Variants in SCN4A observed in about 807,000 individuals in gnomAD.
SCN4A encodes the protein sodium channel protein type 4 subunit alpha.
A neutral mutation model predicts 162.0 loss-of-function variants in SCN4A; 83 were observed. The ratio of observed to expected loss-of-function variants is 0.51; its 90% confidence interval spans 0.43 to 0.61. The LOEUF (loss-of-function observed/expected upper bound fraction) is 0.61. SCN4A is among the 20% of genes least tolerant of loss of function. The pLI, the probability that SCN4A is intolerant of heterozygous loss-of-function variation, is 0.00. For synonymous variants in SCN4A, 944 were observed against 985.1 expected (o/e 0.96, Z 0.78); for missense variants, 2,196 against 2,462.5 (o/e 0.89, Z 2.29).
intron 11 of SCN4A, 33 bp downstream of exon 11, chr17:63,961,160 C>A (rs1277353330): frequency 8.9e-7 from 1 of 1,122,422 alleles, no homozygotes. Flanking sequence ...CCCATCCTGC[C>A]CATGAATGAT....
intron 5 of SCN4A, 37 bp downstream of exon 5, chr17:63,971,125 T>G: frequency 7.2e-7 from 1 of 1,386,728 alleles, no homozygotes; most frequent in Non-Finnish European, 1.0e-6. Context: ...CGGGGGTCTC[T>G]CAGCTCAGGC....
Position 63,944,833 on chromosome 17 carries a change from C to T in SCN4A, c.3775-23G>A, listed in dbSNP as rs151052963. 5.3e-3 allele frequency: 8,610 copies of T among 1,611,708 alleles called. 65 individuals are homozygous for T. Among genetic ancestry groups the T allele is most frequent in the South Asian group, 0.022 (1,975 of 90,696 alleles). On this transcript the variant is annotated intron_variant, in intron 20 of 23. Coordinates refer to ENST00000435607, the MANE Select transcript of SCN4A (RefSeq NM_000334.4). The surrounding 1 kb of genome is among the most constrained non-coding windows in gnomAD (Gnocchi z 4.3). ...CTTCTGTGGGAGCCACAGGGTGGGA[C>T]GGCGTGGGTTTGCACGCTGGCTTCT... is the stretch of plus-strand genomic sequence containing the variant.
Position 63,944,856 on chromosome 17 carries a change from T to G in SCN4A, c.3775-46A>C, listed in dbSNP as rs1908661524. ...GACGGCGTGGGTTTGCACGCTGGCTTCTCCCTGCCCCCCACAGCCCTGAGG... is the reference window on the plus strand; with the variant it reads ...GACGGCGTGGGTTTGCACGCTGGCTGCTCCCTGCCCCCCACAGCCCTGAGG... On this transcript the variant is annotated intron_variant, in intron 20 of 23. Transcript: ENST00000435607. The surrounding 1 kb of genome is among the most constrained non-coding windows in gnomAD (Gnocchi z 4.3). The G allele has an allele frequency of 1.2e-6, 2 of 1,606,788 alleles. No individual in the cohort carries two copies. The highest frequency in any genetic ancestry group is 2.2e-5 in the South Asian group (2 of 90,108).
chr17:63,951,994 C>T lies in SCN4A; in HGVS notation c.2377-94G>A. 1 of 690,388 alleles carries T rather than the reference C, an allele frequency of 1.4e-6. No individual in the cohort carries two copies. Among genetic ancestry groups the T allele is most frequent in the East Asian group, 2.7e-5 (1 of 36,648 alleles). 42.8% of individuals were successfully genotyped at this position (690,388 alleles called of 1,614,324 possible). ...CACAGGGGTCCTCGGTCTACAGATCCAAACTACCACATGTTGGGCATTTAA... is the reference window on the plus strand; with the variant it reads ...CACAGGGGTCCTCGGTCTACAGATCTAAACTACCACATGTTGGGCATTTAA... On this transcript the variant is annotated intron_variant, in intron 13 of 23. Coordinates refer to ENST00000435607, the MANE Select transcript of SCN4A (RefSeq NM_000334.4). The surrounding 1 kb of genome is among the most constrained non-coding windows in gnomAD (Gnocchi z 4.5).
intron 23 of SCN4A, among the ~76,000 whole-genome samples, chr17:63,942,202 T>C (rs534428396): frequency 1.3e-4 from 20 of 151,818 alleles, no homozygotes; most frequent in African/African-American, 4.6e-4. Context: ...GGAGGTGGGA[T>C]ACCCTGAAGT....
rs1908628886 is a variant in SCN4A, at chr17:63,943,909, C to G, written c.3913-59G>C. ...CAGTTCCCCTTCCTGCCTCCAGGAC[C>G]ACCCCCACCTCAGTGGGGCACCTCA... is the stretch of plus-strand genomic sequence containing the variant. On this transcript the variant is annotated intron_variant, in intron 21 of 23. Coordinates refer to ENST00000435607, the MANE Select transcript of SCN4A (RefSeq NM_000334.4). 2.5e-5 allele frequency: 28 copies of G among 1,101,532 alleles called. No homozygotes were observed. In the South Asian group the frequency reaches 3.2e-4, roughly 12 times the overall value. The allele number at this position is 1,101,532 out of a possible 1,614,324, so 68.2% of individuals were successfully genotyped here. A position where few individuals can be genotyped will look rare whatever the true frequency, so the allele number is the denominator to read the frequency against.
rs750428833 is a variant in SCN4A, at chr17:63,971,887, C to T, written c.483-37G>A. 8 of 1,610,250 alleles carry T rather than the reference C, an allele frequency of 5.0e-6. No individual in the cohort carries two copies. In the Admixed American group the frequency reaches 1.2e-4, roughly 23 times the overall value. On this transcript the variant is annotated intron_variant, in intron 3 of 23. Coordinates refer to ENST00000435607, the MANE Select transcript of SCN4A (RefSeq NM_000334.4). ...AGGGCCGGCCGGGACAGGCATGTCACCTGGGTAGGGGTCAGTGTGGCAACG... is the reference window on the plus strand; with the variant it reads ...AGGGCCGGCCGGGACAGGCATGTCATCTGGGTAGGGGTCAGTGTGGCAACG...
chr17:63,970,218 T>G (rs7405829), intron 5 of SCN4A, among the ~76,000 whole-genome samples: 128,708 of 151,880 alleles, frequency 0.85, 54,856 homozygotes, highest in Non-Finnish European at 0.9. Flanking sequence ...GTCTCTCTCT[T>G]CTCTGCTCTG....
chr17:63,957,532 A>G lies in SCN4A; in HGVS notation c.2020-14T>C. 1 of 1,596,450 alleles carries G rather than the reference A, an allele frequency of 6.3e-7. No homozygotes were observed. The highest frequency in any genetic ancestry group is 8.6e-7 in the Non-Finnish European group (1 of 1,166,974). Reference sequence around the variant, plus strand: ...GAAGACCCGCAGCTGCCAAGCAGGGAGGGCAAGGGTGAATGAGGCCCAGGG... The same window carrying G: ...GAAGACCCGCAGCTGCCAAGCAGGGGGGGCAAGGGTGAATGAGGCCCAGGG... On this transcript the variant is annotated splice_polypyrimidine_tract_variant and intron_variant, in intron 12 of 23. Coordinates refer to ENST00000435607, the MANE Select transcript of SCN4A (RefSeq NM_000334.4).
chr17:63,941,227 T>C lies in SCN4A; in HGVS notation c.5055A>G (p.Lys1685=). 1 of 1,613,804 alleles carries C rather than the reference T, an allele frequency of 6.2e-7. No individual in the cohort carries two copies. The highest frequency in any genetic ancestry group is 8.5e-7 in the Non-Finnish European group (1 of 1,179,830). ...HCLDILFALT[K]EVLGDSGEMD... ...TTTCCCCAGAGTCACCCAGGACCTC[T>C]TTGGTCAGGGCAAAGAGGATGTCCA... The change falls in exon 24 of 24, where the codon AAA becomes AAG. Residue 1685 remains lysine (K), a synonymous_variant. Coordinates refer to ENST00000435607, the MANE Select transcript of SCN4A (RefSeq NM_000334.4). The surrounding 1 kb of genome is among the most constrained non-coding windows in gnomAD (Gnocchi z 6.2).
Position 63,972,901 on chromosome 17 carries a change from G to T in SCN4A, c.-60C>A, listed in dbSNP as rs1419072448. On this transcript the variant is annotated 5_prime_UTR_variant, in exon 1 of 24. Transcript: ENST00000435607. This position sits in a 1 kb window ranked among gnomAD's most constrained non-coding sequence, Gnocchi z 4.3. ...TGGGTGGCCTGGGGAGCTGCAGTGC[G>T]CAGCCCCGGGGTGCTGGGCGGCCGC... 1.2e-5 allele frequency: 18 copies of T among 1,520,092 alleles called. 1 individual carries two copies. The East Asian group carries it at 3.7e-4, about 31-fold the overall frequency. The allele number at this position is 1,520,092 out of a possible 1,614,324, so 94.2% of individuals were successfully genotyped here. A position where few individuals can be genotyped will look rare whatever the true frequency, so the allele number is the denominator to read the frequency against.
intron 12 of SCN4A, 28 bp downstream of exon 12, chr17:63,959,237 A>G: frequency 6.3e-7 from 1 of 1,582,506 alleles, no homozygotes; most frequent in Non-Finnish European, 8.6e-7. Flanking sequence ...CCCCCATCCC[A>G]GCCCCTGGCC....
Position 63,971,769 on chromosome 17 carries a change from G to A in SCN4A, c.564C>T (p.Phe188=), listed in dbSNP as rs757225463. 1.2e-6 allele frequency: 2 copies of A among 1,612,188 alleles called. No individual in the cohort carries two copies. Among genetic ancestry groups the A allele is most frequent in the African/African-American group, 1.3e-5 (1 of 75,000 alleles). The stretch of plus-strand genomic sequence containing the variant: ...CCAGCCAGTTCCAGGGGTCCCGGAG[G>A]AATGTGAAGTCGTCGACACAGAAGC... ...ARGFCVDDFT[F]LRDPWNWLDF... is the part of the protein sequence containing the mutation. Residue 188 remains phenylalanine, a synonymous_variant, in exon 4 of 24, where the codon TTC becomes TTT. Coordinates refer to ENST00000435607, the MANE Select transcript of SCN4A (RefSeq NM_000334.4).
Position 63,957,401 on chromosome 17 carries a change from T to A in SCN4A, c.2137A>T (p.Ile713Phe). ...LTLVLAIIVFIFAVVGMQLFG... is the reference protein window; with the variant it reads ...LTLVLAIIVFFFAVVGMQLFG... The stretch of plus-strand genomic sequence containing the variant: ...AGCTGCATGCCCACCACGGCGAAGA[T>A]GAACACGATGATAGCCAGCACCAGC... The change falls in exon 13 of 24, where the codon ATC becomes TTC. Residue 713 changes from isoleucine to phenylalanine, a missense_variant. Physicochemically the swap from Ile to Phe is conservative, Grantham distance 21. Transcript: ENST00000435607. 6.2e-7 allele frequency: 1 copy of A among 1,614,084 alleles called. No individual in the cohort carries two copies. Among genetic ancestry groups the A allele is most frequent in the Non-Finnish European group, 8.5e-7 (1 of 1,179,944 alleles).
intron 22 of SCN4A, among the ~76,000 whole-genome samples, chr17:63,943,432 G>A (rs1474887747): frequency 6.6e-6 from 1 of 152,086 alleles, no homozygotes; most frequent in African/African-American, 2.4e-5. Flanking sequence ...TTCCACTTGT[G>A]GGAGCCCTTG....
At chr17:63,942,569 C>T (rs771827858) in intron 23 of SCN4A, among the ~76,000 whole-genome samples, 5 of 152,232 alleles carry the variant, frequency 3.3e-5, no homozygotes, top group Admixed American at 1.3e-4. Flanking sequence ...TTACACTTTT[C>T]GCTCAGTATG....
rs1256249808 is a variant in SCN4A, at chr17:63,951,907, C to A, written c.2377-7G>T. Reference sequence around the variant, plus strand: ...CCAGGAACAGGTTCAGGACCTGGGGCATGGGGTCAGGGGGAGCCTCACATC... The same window carrying A: ...CCAGGAACAGGTTCAGGACCTGGGGAATGGGGTCAGGGGGAGCCTCACATC... On this transcript the variant is annotated splice_region_variant and splice_polypyrimidine_tract_variant and intron_variant, in intron 13 of 23. Coordinates refer to ENST00000435607, the MANE Select transcript of SCN4A (RefSeq NM_000334.4). The surrounding 1 kb of genome is among the most constrained non-coding windows in gnomAD (Gnocchi z 4.5). The A allele has an allele frequency of 6.6e-7, 1 of 1,511,252 alleles. No individual in the cohort carries two copies. Among genetic ancestry groups the A allele is most frequent in the South Asian group, 1.3e-5 (1 of 79,838 alleles). The allele number at this position is 1,511,252 out of a possible 1,614,324, so 93.6% of individuals were successfully genotyped here. A position where few individuals can be genotyped will look rare whatever the true frequency, so the allele number is the denominator to read the frequency against.
intron 16 of SCN4A, 23 bp from the exon 17 acceptor site, chr17:63,948,086 G>T (rs943713481): frequency 1.7e-5 from 27 of 1,577,448 alleles, no homozygotes; most frequent in Non-Finnish European, 2.2e-5. Flanking sequence ...GCACCACCAG[G>T]GTGGCTGGGG....
intron 10 of SCN4A, among the ~76,000 whole-genome samples, chr17:63,962,673 C>T (rs1369579925): frequency 1.3e-5 from 2 of 152,112 alleles, no homozygotes; most frequent in African/African-American, 4.8e-5. Context: ...GTGGCTGAAC[C>T]TCCCTCCCAC....
Sources: gnomAD v4.1 joint callset for allele counts (sites outside exome capture counted in the v4.1 genomes callset) on GRCh38, gnomAD v4.1.1 for gene constraint, Gnocchi (gnomAD v3.1) non-coding constraint, MANE v1.5 for transcripts, NCBI Gene and HGNC (gene_info 2026-07-23, HGNC 2026-07-21) for gene names.